FADS2: variants seen among roughly 807,000 people sequenced by gnomAD.
The protein encoded by FADS2 is fatty acid desaturase 2.
Under a neutral mutation model 61.2 loss-of-function variants are expected in FADS2, and 18 were observed. That is an observed-to-expected ratio of 0.29 (90% CI 0.20 to 0.44). The LOEUF (loss-of-function observed/expected upper bound fraction) is 0.44, where lower values mean the gene tolerates loss of function less well. Among genes scored for constraint, FADS2 ranks in the 20% least tolerant of loss-of-function variants. The pLI, the probability that FADS2 is intolerant of heterozygous loss-of-function variation, is 1.00. For synonymous variants in FADS2, 203 were observed against 223.9 expected (o/e 0.91, Z 0.83); for missense variants, 322 against 572.7 (o/e 0.56, Z 4.47).
In FADS2 at chr11:61,828,446, C is replaced by A; in HGVS notation, c.56C>A (p.Pro19His). 6.3e-7 allele frequency: 1 copy of A among 1,598,082 alleles called. No homozygotes were observed. The change falls in exon 1 of 12, where the codon CCC (proline) becomes CAC (histidine). Residue 19 changes from proline to histidine, a missense_variant. By Grantham distance (77) the Pro-to-His change is moderately conservative (BLOSUM62 -2). This residue lies in a region of FADS2 where 61 missense variants were observed against 107.4 expected (regional missense o/e 0.57). Transcript: ENST00000278840. This position sits in a 1 kb window ranked among gnomAD's most constrained non-coding sequence, Gnocchi z 6.4. ...GCCGCCGAGCGCGAGGTGTCGGTGC[C>A]CACCTTCAGCTGGGAGGAGATTCAG... ...EGAAEREVSV[P>H]TFSWEEIQKH...
At chr11:61,851,430 C>T (rs1026190738) in intron 5 of FADS2, among the ~76,000 whole-genome samples, 1 of 152,186 alleles carries the variant, frequency 6.6e-6, no homozygotes, top group Non-Finnish European at 1.5e-5. Context: ...TTACCAGCGG[C>T]GTTTGGAAGT....
rs369723314 is a variant in FADS2, at chr11:61,820,414, A to G, written c.141+3988A>G. Among the ~76,000 whole-genome samples, 124 of 152,214 alleles carry G rather than the reference A, an allele frequency of 8.1e-4. 3 individuals carry two copies. The South Asian group carries it at 0.025, about 31-fold the overall frequency. ...GCAAATTAAATTCATCTTACTCAGG[A>G]TTTAAACAGCTTATATGACATGACT... On this transcript the variant is annotated intron_variant, in intron 1 of 11. Coordinates refer to the FADS2 transcript ENST00000257261.
At chr11:61,862,941 A>G in intron 7 of FADS2, 31 bp from the exon 8 acceptor site, 1 of 1,572,608 alleles carries the variant, frequency 6.4e-7, no homozygotes, top group Admixed American at 1.7e-5. Flanking sequence ...AGGAGAGGGC[A>G]GGTTGCACCT....
chr11:61,849,766 A>G (rs927216048), intron 5 of FADS2: 1 of 152,128 alleles, frequency 6.6e-6, no homozygotes, highest in African/African-American at 2.4e-5. Context: ...GTGGTGGCTC[A>G]CACCTGTAAT....
chr11:61,863,150 C>A, intron 8 of FADS2, 81 bp downstream of exon 8: 1 of 1,471,184 alleles, frequency 6.8e-7, no homozygotes, highest in Non-Finnish European at 9.5e-7. Flanking sequence ...GCTCGGACGG[C>A]TCCACTTTGC....
chr11:61,824,171 C>T (rs1323393132), upstream of FADS2, among the ~76,000 whole-genome samples: 4 of 151,608 alleles, frequency 2.6e-5, no homozygotes, highest in Non-Finnish European at 5.9e-5. Context: ...CACCTGAGGT[C>T]GGGAGTTCGA....
At chr11:61,825,541 C>G (rs759414946), upstream of FADS2, among the ~76,000 whole-genome samples, 5 of 151,678 alleles carry the variant, frequency 3.3e-5, no homozygotes, top group Non-Finnish European at 7.4e-5. Context: ...CCATTTGAAC[C>G]CATGAGGTGG....
chr11:61,853,939 C>T (rs1417165272), intron 5 of FADS2, among the ~76,000 whole-genome samples: 1 of 152,332 alleles, frequency 6.6e-6, no homozygotes, highest in East Asian at 1.9e-4. Flanking sequence ...CGGCATCCCC[C>T]AGGCCCTCAT....
At chr11:61,826,368 C>G, upstream of FADS2, 1 of 702,630 alleles carries the variant, frequency 1.4e-6, no homozygotes, top group Non-Finnish European at 2.6e-6. Context: ...CCTACACAGG[C>G]CACCCATACG....
rs751724731 is a variant in FADS2 at position 61,816,292 on chromosome 11, G to A, written c.7G>A (p.Gly3Ser). The change falls in exon 1 of 12, where the codon GGC becomes AGC. Residue 3 changes from glycine (G) to serine (S), a missense_variant. By Grantham distance (56) the Gly-to-Ser change is moderately conservative (BLOSUM62 0). Transcript: ENST00000257261. This position sits in a 1 kb window ranked among gnomAD's most constrained non-coding sequence, Gnocchi z 7.0. ...GCTCGGGGCTGCAGATGGAATGCAC[G>A]GCAGGGAGGCGGGACCCTTTGTTTG... is the stretch of plus-strand genomic sequence containing the variant. The A allele has an allele frequency of 7.3e-5, 116 of 1,598,194 alleles. No homozygotes were observed. Among genetic ancestry groups the A allele is most frequent in the Non-Finnish European group, 9.3e-5 (110 of 1,179,788 alleles).
At position 61,816,877 on chromosome 11, in the gene FADS2, G is replaced by A. The variant is rs941982773; in HGVS notation, c.141+451G>A. 6 of 1,477,318 alleles carry A rather than the reference G, an allele frequency of 4.1e-6. No individual in the cohort carries two copies. The highest frequency in any genetic ancestry group is 5.3e-6 in the Non-Finnish European group (6 of 1,124,986). 91.5% of individuals were successfully genotyped at this position (1,477,318 alleles called of 1,614,324 possible). On this transcript the variant is annotated intron_variant, in intron 1 of 11. Coordinates refer to the FADS2 transcript ENST00000257261. This position sits in a 1 kb window ranked among gnomAD's most constrained non-coding sequence, Gnocchi z 7.0. Reference sequence around the variant, plus strand: ...GCCCAGAGCCAGCCGCCTGCGCGCCGGGTTTTCAGCACCGCAGGGCAGACC... The same window carrying A: ...GCCCAGAGCCAGCCGCCTGCGCGCCAGGTTTTCAGCACCGCAGGGCAGACC...
rs374253903 is a variant in FADS2, at chr11:61,865,328, A to C, written c.1283+51A>C. ...TGGGCCCTGGGATCACCCGTGGTGC[A>C]GACAGTGGGATCACAAGAGGGGCTG... is the stretch of plus-strand genomic sequence containing the variant. On this transcript the variant is annotated intron_variant, in intron 11 of 11. Coordinates refer to ENST00000278840, the MANE Select transcript of FADS2 (RefSeq NM_004265.4). This position sits in a 1 kb window ranked among gnomAD's most constrained non-coding sequence, Gnocchi z 4.1. 5 of 1,599,478 alleles carry C rather than the reference A, an allele frequency of 3.1e-6. No homozygotes were observed. The highest frequency in any genetic ancestry group is 4.3e-6 in the Non-Finnish European group (5 of 1,173,502).
chr11:61,824,521 A>AAGAAAGAAAGAAAG (rs1565325492), upstream of FADS2, among the ~76,000 whole-genome samples: 2 of 108,712 alleles, frequency 1.8e-5, no homozygotes, highest in African/African-American at 6.0e-5. Flanking sequence ...GAAAGAAAGA[A>AAGAAAGAAAGAAAG]AGAAAGAAAA....
At position 61,865,174 on chromosome 11, in the gene FADS2, C is replaced by A; in HGVS notation, c.1180C>A (p.His394Asn). The change falls in exon 11 of 12, where the codon CAC (histidine) becomes AAC (asparagine). Residue 394 changes from histidine to asparagine, a missense_variant. Around this residue, in one of 3 missense-constraint regions of FADS2, gnomAD observed 221 missense variants for 427.9 expected, o/e 0.52. Coordinates refer to ENST00000278840, the MANE Select transcript of FADS2 (RefSeq NM_004265.4). The surrounding 1 kb of genome is among the most constrained non-coding windows in gnomAD (Gnocchi z 4.1). ...EHHLFPTMPR[H>N]NLHKIAPLVK... ...CAGCCTCTTCCCCACCATGCCCCGG[C>A]ACAACTTACACAAGATCGCCCCGCT... 2 of 1,613,770 alleles carry A rather than the reference C, an allele frequency of 1.2e-6. No individual in the cohort carries two copies. Among genetic ancestry groups the A allele is most frequent in the East Asian group, 2.2e-5 (1 of 44,868 alleles).
At chr11:61,859,543 A>G (rs942385329) in intron 7 of FADS2, among the ~76,000 whole-genome samples, 1 of 152,200 alleles carries the variant, frequency 6.6e-6, no homozygotes, top group African/African-American at 2.4e-5. Context: ...CTCTTCTCCC[A>G]CAACCTAATC....
At chr11:61,822,260 C>T (rs1030926513) in intron 1 of FADS2, among the ~76,000 whole-genome samples, 3 of 152,222 alleles carry the variant, frequency 2.0e-5, no homozygotes, top group East Asian at 1.9e-4. Flanking sequence ...TGAGCCACCG[C>T]GCCCGGCCCA....
At chr11:61,824,398 G>A (rs1323667614), upstream of FADS2, among the ~76,000 whole-genome samples, 2 of 3,256 alleles carry the variant, frequency 6.1e-4, no homozygotes, top group Non-Finnish European at 1.6e-3. Context: ...AAAAAAAAGA[G>A]AGAGAGAGAG....
chr11:61,828,544 C>T lies in FADS2; in HGVS notation c.154C>T (p.Gln52Ter). ...TTACAACATCACCAAATGGTCCATC[C>T]AGCACCCGGGGGGCCAGCGGGTCAT... is the stretch of plus-strand genomic sequence containing the variant. ...KVYNITKWSIQHPGGQRVIGH... is the reference protein window; with the variant it reads ...KVYNITKWSI The change falls in exon 1 of 12, where the codon CAG (glutamine) becomes TAG (stop). Residue 52 changes from glutamine to a stop codon, truncating the protein, a stop_gained. Transcript: ENST00000278840. LOFTEE classifies it high-confidence loss of function. The surrounding 1 kb of genome is among the most constrained non-coding windows in gnomAD (Gnocchi z 6.4). 6.2e-7 allele frequency: 1 copy of T among 1,614,064 alleles called. No individual in the cohort carries two copies. Among genetic ancestry groups the T allele is most frequent in the Non-Finnish European group, 8.5e-7 (1 of 1,180,022 alleles).
chr11:61,865,006 C>T lies in FADS2; in HGVS notation c.1158-146C>T. The T allele has an allele frequency of 3.2e-6, 3 of 948,342 alleles. No homozygotes were observed. The highest frequency in any genetic ancestry group is 3.2e-6 in the Non-Finnish European group (2 of 633,122). The allele number at this position is 948,342 out of a possible 1,614,324, so 58.7% of individuals were successfully genotyped here. The stretch of plus-strand genomic sequence containing the variant: ...CACACGTGGCACCCCACTGGGCACA[C>T]ACGAGGAGCCACACTTTGAGACTGG... On this transcript the variant is annotated intron_variant, in intron 10 of 11. Transcript: ENST00000278840. This position sits in a 1 kb window ranked among gnomAD's most constrained non-coding sequence, Gnocchi z 4.1.
Sources: gnomAD v4.1 joint callset for allele counts (sites outside exome capture counted in the v4.1 genomes callset) on GRCh38, gnomAD v4.1.1 for gene constraint, gnomAD v4.1.1 regional missense constraint, Gnocchi (gnomAD v3.1) non-coding constraint, MANE v1.5 for transcripts, NCBI Gene and HGNC (gene_info 2026-07-23, HGNC 2026-07-21) for gene names.